ANKHD1: variants seen among roughly 807,000 people sequenced by gnomAD.
ANKHD1 encodes the protein ankyrin repeat and KH domain-containing protein 1.
Under a neutral mutation model 230.5 loss-of-function variants are expected in ANKHD1, and 31 were observed. The ratio of observed to expected loss-of-function variants is 0.13; its 90% CI spans 0.10 to 0.18. The LOEUF (loss-of-function observed/expected upper bound fraction) is 0.18. ANKHD1 is among the 10% of genes least tolerant of loss of function. The pLI, the probability that ANKHD1 is intolerant of heterozygous loss-of-function variation, is 1.00. For missense variants in ANKHD1, 2,256 were observed against 3,071.3 expected (o/e 0.73, Z 6.27); for synonymous variants, 1,074 against 1,117.6 (o/e 0.96, Z 0.78).
chr5:140,443,428 C>T (rs150215532), intron 5 of ANKHD1, among the ~76,000 whole-genome samples: 14 of 151,906 alleles, frequency 9.2e-5, no homozygotes, highest in South Asian at 4.2e-4. Context: ...TGGTGGCTCA[C>T]GCCTGTAATC....
In ANKHD1 at chr5:140,510,099, T is replaced by C. The variant is rs150051247; in HGVS notation, c.4022T>C (p.Val1341Ala). 52 of 1,613,998 alleles carry C rather than the reference T, an allele frequency of 3.2e-5. 1 individual carries two copies. In the African/African-American group the frequency reaches 6.3e-4, roughly 19 times the overall value. Residue 1341 changes from valine to alanine, a missense_variant, in exon 22 of 34, where the codon GTG (valine) becomes GCG (alanine). Val to Ala is a moderately conservative substitution (Grantham distance 64, BLOSUM62 0). Coordinates refer to ENST00000360839, the MANE Select transcript of ANKHD1 (RefSeq NM_017747.3). ...TCCAATGGAGGTCATTTTGATGTTG[T>C]GCAGTTGCTAGTGCAAGCAGGTGCT... The part of the protein sequence containing the change: ...LASNGGHFDV[V>A]QLLVQAGADV...
Position 140,539,493 on chromosome 5 carries a change from A to AT in ANKHD1, c.*76dup. 6.6e-7 allele frequency: 1 copy of AT among 1,509,590 alleles called. No homozygotes were observed. The highest frequency in any genetic ancestry group is 9.0e-7 in the Non-Finnish European group (1 of 1,113,838). The allele number at this position is 1,509,590 out of a possible 1,614,324, so 93.5% of individuals were successfully genotyped here. On this transcript the variant is annotated 3_prime_UTR_variant, in exon 34 of 34. Transcript: ENST00000360839. ...GAAGAACCATGGGGATTTTTTTTTAATGTGCCTAAGAAATTTTCTCTGAGG... is the reference window on the plus strand; with the variant it reads ...GAAGAACCATGGGGATTTTTTTTTAATTGTGCCTAAGAAATTTTCTCTGAGG...
At chr5:140,481,730 C>T (rs1751283686) in intron 10 of ANKHD1, among the ~76,000 whole-genome samples, 1 of 151,928 alleles carries the variant, frequency 6.6e-6, no homozygotes, top group African/African-American at 2.4e-5. Flanking sequence ...ACGTAACCAC[C>T]AGTCTTTATC....
rs867513250 is a variant in ANKHD1 at position 140,493,170 on chromosome 5, T to G, written c.2246-3350T>G. On this transcript the variant is annotated intron_variant, in intron 14 of 33. Coordinates refer to ENST00000360839, the MANE Select transcript of ANKHD1 (RefSeq NM_017747.3). ...TCTGCCTCCTGGGTTCAAGCGATTC[T>G]CTTGCTTCAGCCTTCTGAGTAGCTG... Among the ~76,000 whole-genome samples, 15 of 152,326 alleles carry G rather than the reference T, an allele frequency of 9.8e-5. 1 individual carries two copies. The highest frequency in any genetic ancestry group is 4.1e-4 in the South Asian group (2 of 4,826).
At chr5:140,411,125 G>C (rs1383307837) in intron 1 of ANKHD1, among the ~76,000 whole-genome samples, 1 of 152,216 alleles carries the variant, frequency 6.6e-6, no homozygotes, top group Non-Finnish European at 1.5e-5. Context: ...GCAGGATGTA[G>C]TGAATTTCTA....
At chr5:140,514,998 C>T (rs1410976209) in intron 24 of ANKHD1, among the ~76,000 whole-genome samples, 2 of 150,282 alleles carry the variant, frequency 1.3e-5, no homozygotes, top group African/African-American at 4.9e-5. Flanking sequence ...AAGGTCCTGT[C>T]TGGGCGCAGT....
At chr5:140,537,272 A>G in intron 30 of ANKHD1, 117 bp from the exon 31 acceptor site, 1 of 1,449,058 alleles carries the variant, frequency 6.9e-7, no homozygotes, top group Non-Finnish European at 9.1e-7. Flanking sequence ...TCTTTCCAAC[A>G]AGGTTTCTCA....
rs2126824691 is a variant in ANKHD1, at chr5:140,401,920, C to T, written c.-48C>T. On this transcript the variant is annotated 5_prime_UTR_variant, in exon 1 of 34. Coordinates refer to ENST00000360839, the MANE Select transcript of ANKHD1 (RefSeq NM_017747.3). ...TTCTCGTTCCCGAGATCAGCGGCGGCGGTGACCGCGAGTGGGTCGGCACCG... is the reference window on the plus strand; with the variant it reads ...TTCTCGTTCCCGAGATCAGCGGCGGTGGTGACCGCGAGTGGGTCGGCACCG... 6.6e-7 allele frequency: 1 copy of T among 1,524,802 alleles called. No homozygotes were observed. Among genetic ancestry groups the T allele is most frequent in the Admixed American group, 2.3e-5 (1 of 44,120 alleles). The allele number at this position is 1,524,802 out of a possible 1,614,324, so 94.5% of individuals were successfully genotyped here.
intron 24 of ANKHD1, among the ~76,000 whole-genome samples, chr5:140,518,162 C>G (rs1233077072): frequency 2.0e-5 from 3 of 152,322 alleles, no homozygotes; most frequent in South Asian, 2.1e-4. Context: ...ACAAACACCT[C>G]TACGCAAATA....
In ANKHD1 at chr5:140,459,671, T is replaced by C. The variant is rs77274587; in HGVS notation, c.1672+316T>C. On this transcript the variant is annotated intron_variant, in intron 9 of 33. Coordinates refer to ENST00000360839, the MANE Select transcript of ANKHD1 (RefSeq NM_017747.3). ...CCACAAATATGTGAGGTGATAAATA[T>C]GTTAATTAGCTTGATCTAATCATTC... 8.7e-3 allele frequency among the ~76,000 whole-genome samples: 1,326 copies of C among 152,260 alleles called. 19 individuals are homozygous for C. Among genetic ancestry groups the C allele is most frequent in the African/African-American group, 0.031 (1,270 of 41,558 alleles).
chr5:140,493,135 C>T (rs1174966764), intron 14 of ANKHD1, among the ~76,000 whole-genome samples: 1 of 152,158 alleles, frequency 6.6e-6, no homozygotes, highest in Non-Finnish European at 1.5e-5. Context: ...GATCTCAGCT[C>T]GCTGCAACTT....
At chr5:140,407,312 C>A (rs903569351) in intron 1 of ANKHD1, among the ~76,000 whole-genome samples, 7 of 132,530 alleles carry the variant, frequency 5.3e-5, no homozygotes, top group Admixed American at 1.5e-4. Context: ...AAAAAAAAAA[C>A]CACTTTAAAA....
intron 7 of ANKHD1, 43 bp from the exon 8 acceptor site, chr5:140,458,582 A>G (rs1415856807): frequency 6.4e-7 from 1 of 1,560,126 alleles, no homozygotes; most frequent in Non-Finnish European, 8.7e-7. Context: ...ATCTCAAAAC[A>G]AAAAATTTCT....
chr5:140,492,553 A>G (rs971640594), intron 14 of ANKHD1, among the ~76,000 whole-genome samples: 65 of 152,216 alleles, frequency 4.3e-4, no homozygotes, highest in African/African-American at 1.5e-3. Flanking sequence ...ATTCCAGTGG[A>G]TAATAAACAC....
chr5:140,432,473 T>C (rs986622278), intron 1 of ANKHD1, among the ~76,000 whole-genome samples: 13 of 152,372 alleles, frequency 8.5e-5, no homozygotes, highest in Admixed American at 8.5e-4. Context: ...ATTCATCTAC[T>C]GATGGACATT....
At chr5:140,489,325 T>TA (rs1034392964) in intron 14 of ANKHD1, among the ~76,000 whole-genome samples, 23 of 151,978 alleles carry the variant, frequency 1.5e-4, no homozygotes, top group Admixed American at 1.4e-3. Context: ...TGTCTCTATT[T>TA]AAAAAAATTT....
At position 140,459,337 on chromosome 5, in the gene ANKHD1, A is replaced by G; in HGVS notation, c.1654A>G (p.Lys552Glu). The part of the protein sequence containing the change: ...ASQEGHLELV[K>E]YLLASGANVH... ...TCAGGAGGGACACCTGGAATTGGTT[A>G]AATATTTGCTGGCTTCTGGTATGTG... The change falls in exon 9 of 34, where the codon AAA becomes GAA. Residue 552 changes from lysine (K) to glutamate (E), a missense_variant. By Grantham distance (56) the Lys-to-Glu change is moderately conservative. Coordinates refer to ENST00000360839, the MANE Select transcript of ANKHD1 (RefSeq NM_017747.3). 1 of 1,570,142 alleles carries G rather than the reference A, an allele frequency of 6.4e-7. No individual in the cohort carries two copies. Among genetic ancestry groups the G allele is most frequent in the Non-Finnish European group, 8.7e-7 (1 of 1,151,964 alleles).
At chr5:140,438,380 T>G in intron 2 of ANKHD1, 81 bp from the exon 3 acceptor site, 1 of 1,441,486 alleles carries the variant, frequency 6.9e-7, no homozygotes, top group Non-Finnish European at 9.2e-7. Flanking sequence ...TAATAGTGTT[T>G]AGAAATATAA....
At chr5:140,418,156 T>TC (rs202070243) in intron 1 of ANKHD1, among the ~76,000 whole-genome samples, 4 of 148,994 alleles carry the variant, frequency 2.7e-5, no homozygotes, top group Non-Finnish European at 3.0e-5. Flanking sequence ...TTTTTTTTTT[T>TC]TTTTTTTTGA....
Sources: gnomAD v4.1 joint callset for allele counts (sites outside exome capture counted in the v4.1 genomes callset) on GRCh38, gnomAD v4.1.1 for gene constraint, MANE v1.5 for transcripts, NCBI Gene and HGNC (gene_info 2026-07-23, HGNC 2026-07-21) for gene names.